Variants in TBC1D19 observed in about 807,000 individuals in gnomAD.
TBC1D19 encodes TBC1 domain family, member 19.
In TBC1D19, 60 loss-of-function variants were observed where a neutral mutation model predicts 89.0. The observed-to-expected ratio is 0.67, with a 90% CI of 0.55 to 0.84. TBC1D19 has a LOEUF of 0.84. Among genes scored for constraint, TBC1D19 ranks in the 40% least tolerant of loss-of-function variants. TBC1D19 has a pLI of 0.00. For synonymous variants in TBC1D19, 189 were observed against 199.7 expected (o/e 0.95, Z 0.45); for missense variants, 500 against 610.8 (o/e 0.82, Z 1.91).
the TBC1D19 span, among the ~76,000 whole-genome samples, chr4:26,850,726 G>A: frequency 6.6e-6 from 1 of 152,102 alleles, no homozygotes; most frequent in Non-Finnish European, 1.5e-5. Flanking sequence ...ATTTGGAGTT[G>A]TAGCTGCAGA....
intron 1 of TBC1D19, among the ~76,000 whole-genome samples, chr4:26,577,716 G>A (rs1739002740): frequency 6.6e-6 from 1 of 152,186 alleles, no homozygotes; most frequent in African/African-American, 2.4e-5. Context: ...AACAAGAAGG[G>A]AATGGCTGTG....
At chr4:26,589,105 T>A (rs1219517677) in intron 1 of TBC1D19, among the ~76,000 whole-genome samples, 1 of 152,146 alleles carries the variant, frequency 6.6e-6, no homozygotes, top group Admixed American at 6.5e-5. Context: ...TGAAACCCTG[T>A]CTCTACTAAA....
At chr4:26,600,429 CT>C (rs1237768355) in intron 1 of TBC1D19, among the ~76,000 whole-genome samples, 2 of 152,142 alleles carry the variant, frequency 1.3e-5, no homozygotes, top group Non-Finnish European at 2.9e-5. Context: ...AAGAGAAGTA[CT>C]AAAATGTGGG....
At chr4:26,620,796 G>T in intron 4 of TBC1D19, 108 bp downstream of exon 4, 1 of 912,754 alleles carries the variant, frequency 1.1e-6, no homozygotes. Flanking sequence ...ATGAAATACT[G>T]GGTAAGAACC....
At chr4:26,673,392 A>G (rs574654790) in intron 10 of TBC1D19, among the ~76,000 whole-genome samples, 1 of 147,684 alleles carries the variant, frequency 6.8e-6, no homozygotes, top group African/African-American at 2.5e-5. Context: ...GTAGCTATGA[A>G]TTAACTTGAT....
intron 8 of TBC1D19, among the ~76,000 whole-genome samples, chr4:26,664,779 G>A (rs1711650720): frequency 6.6e-6 from 1 of 151,984 alleles, no homozygotes; most frequent in African/African-American, 2.4e-5. Flanking sequence ...GCTCTCAGGC[G>A]ATATATGATT....
chr4:26,633,285 C>T (rs1742912977), intron 4 of TBC1D19, among the ~76,000 whole-genome samples: 1 of 152,088 alleles, frequency 6.6e-6, no homozygotes, highest in Non-Finnish European at 1.5e-5. Context: ...CCTTAAAGGT[C>T]CCTATGACCC....
chr4:26,620,634 T>C lies in TBC1D19; in HGVS notation c.240T>C (p.Pro80=). The C allele has an allele frequency of 6.2e-7, 1 of 1,613,860 alleles. No homozygotes were observed. Among genetic ancestry groups the C allele is most frequent in the Non-Finnish European group, 8.5e-7 (1 of 1,179,872 alleles). ...ELSVFPLPSH[P]AAPPEHLKEP... Reference sequence around the variant, plus strand: ...CTAGGTTTCCTTTACCTAGTCATCCTGCTGCACCTCCTGAACATCTTAAAG... The same window carrying C: ...CTAGGTTTCCTTTACCTAGTCATCCCGCTGCACCTCCTGAACATCTTAAAG... Residue 80 remains proline (P), a synonymous_variant, in exon 4 of 21, where the codon CCT becomes CCC. Transcript: ENST00000264866.
chr4:26,639,549 T>G (rs544591584), intron 6 of TBC1D19, among the ~76,000 whole-genome samples: 3 of 152,302 alleles, frequency 2.0e-5, no homozygotes, highest in African/African-American at 4.8e-5. Flanking sequence ...AAAGAATTTA[T>G]TTTTGTTCAT....
intron 7 of TBC1D19, among the ~76,000 whole-genome samples, chr4:26,658,369 T>C (rs1396247112): frequency 6.6e-6 from 1 of 152,212 alleles, no homozygotes; most frequent in Admixed American, 6.5e-5. Context: ...CTTGCTTGTA[T>C]CAGGTTTGTC....
intron 15 of TBC1D19, among the ~76,000 whole-genome samples, chr4:26,731,649 A>G (rs964094920): frequency 2.0e-5 from 3 of 152,138 alleles, no homozygotes; most frequent in Non-Finnish European, 2.9e-5. Flanking sequence ...TCTCAGAGCT[A>G]TATTGAAGGA....
chr4:26,740,165 CAG>C (rs1718271351), intron 17 of TBC1D19, among the ~76,000 whole-genome samples, 192 bp downstream of exon 17: 1 of 152,038 alleles, frequency 6.6e-6, no homozygotes, highest in South Asian at 2.1e-4. Flanking sequence ...ATAATTTAAA[CAG>C]AAAAAGTCTC....
intron 15 of TBC1D19, among the ~76,000 whole-genome samples, chr4:26,733,009 T>C (rs1265984728): frequency 6.6e-6 from 1 of 152,116 alleles, no homozygotes; most frequent in Non-Finnish European, 1.5e-5. Flanking sequence ...GCTAATCATA[T>C]AGAGAGGAAT....
intron 8 of TBC1D19, among the ~76,000 whole-genome samples, chr4:26,661,009 A>G (rs1745191254): frequency 6.6e-6 from 1 of 152,178 alleles, no homozygotes; most frequent in South Asian, 2.1e-4. Context: ...GAAATGTTCA[A>G]GAAATGGAGG....
chr4:26,722,346 T>C (rs1577984989), intron 15 of TBC1D19, among the ~76,000 whole-genome samples: 1 of 152,222 alleles, frequency 6.6e-6, no homozygotes, highest in South Asian at 2.1e-4. Flanking sequence ...TCTCCATCCA[T>C]AGAAGTGTTT....
At chr4:26,852,794 T>A in the TBC1D19 span, among the ~76,000 whole-genome samples, 1 of 151,992 alleles carries the variant, frequency 6.6e-6, no homozygotes, top group Admixed American at 6.5e-5. Context: ...TAATTTTTTG[T>A]ATTTTTAGTA....
chr4:26,845,635 C>T, the TBC1D19 span, among the ~76,000 whole-genome samples: 5 of 152,110 alleles, frequency 3.3e-5, no homozygotes, highest in Admixed American at 2.6e-4. Context: ...CATGCTGCTA[C>T]TAAAGACATA....
At chr4:26,712,443 T>G (rs187504632) in intron 13 of TBC1D19, among the ~76,000 whole-genome samples, 2 of 152,064 alleles carry the variant, frequency 1.3e-5, no homozygotes, top group Non-Finnish European at 2.9e-5. Flanking sequence ...CATCATCACA[T>G]CTCTTTCTGA....
chr4:26,849,489 G>A, the TBC1D19 span, among the ~76,000 whole-genome samples: 1 of 152,000 alleles, frequency 6.6e-6, no homozygotes, highest in East Asian at 1.9e-4. Flanking sequence ...ATCTTCCCTA[G>A]TGCCCCAGTT....
Sources: gnomAD v4.1 joint callset for allele counts (sites outside exome capture counted in the v4.1 genomes callset) on GRCh38, gnomAD v4.1.1 for gene constraint, MANE v1.5 for transcripts, NCBI Gene and HGNC (gene_info 2026-07-23, HGNC 2026-07-21) for gene names.